Variants in PCDHA7 observed in about 807,000 individuals in gnomAD.
PCDHA7 encodes the protein protocadherin alpha-7.
PCDHA7 carries 37 observed loss-of-function variants against 57.2 expected under a neutral mutation model. The ratio of observed to expected loss-of-function variants is 0.65; its 90% CI spans 0.50 to 0.85. The LOEUF (loss-of-function observed/expected upper bound fraction) is 0.85, where lower values mean the gene tolerates loss of function less well. PCDHA7 is among the 40% of genes least tolerant of loss of function. The pLI, the probability that PCDHA7 is intolerant of heterozygous loss-of-function variation, is 0.00. For synonymous variants in PCDHA7, 553 were observed against 558.8 expected, an observed-to-expected ratio of 0.99 and a Z score of 0.15; for missense variants, 1,188 against 1,241.8, an observed-to-expected ratio of 0.96 and a Z score of 0.65.
intron 1 of PCDHA7, chr5:140,862,344 G>C (rs1303625702): frequency 3.0e-6 from 1 of 333,098 alleles, no homozygotes; most frequent in Non-Finnish European, 5.9e-6. Flanking sequence ...CCTAACTTCA[G>C]TGCCAAGGGA....
chr5:140,964,168 G>A (rs928554352), intron 1 of PCDHA7, among the ~76,000 whole-genome samples: 1 of 152,166 alleles, frequency 6.6e-6, no homozygotes, highest in Non-Finnish European at 1.5e-5. Flanking sequence ...TGTGAGGAAC[G>A]AAATCATTAT....
At chr5:140,856,096 GCTT>G (rs782403061) in intron 1 of PCDHA7, 1 of 1,597,460 alleles carries the variant, frequency 6.3e-7, no homozygotes, top group South Asian at 1.1e-5. Flanking sequence ...TGCTGCTCTC[GCTT>G]CTTCTCCTCG....
In PCDHA7 at chr5:140,834,800, T is replaced by A; in HGVS notation, c.417T>A (p.Asn139Lys). 3 of 1,612,758 alleles carry A rather than the reference T, an allele frequency of 1.9e-6. No homozygotes were observed. Among genetic ancestry groups the A allele is most frequent in the Non-Finnish European group, 2.5e-6 (3 of 1,179,706 alleles). The change falls in exon 1 of 4, where the codon AAT becomes AAA. Residue 139 changes from asparagine (N) to lysine (K), a missense_variant. Around this residue, in one of 3 missense-constraint regions of PCDHA7, gnomAD observed 194 missense variants for 185.8 expected, o/e 1.04. Transcript: ENST00000525929. The stretch of plus-strand genomic sequence containing the variant: ...CGGTGTTCCCAGCGACACAAAGGAA[T>A]CTGTTCATCGCGGAATCCAGGCCGC... The part of the protein sequence containing the change: ...NPPVFPATQR[N>K]LFIAESRPLD...
At chr5:140,911,968 T>A (rs1554195054) in intron 1 of PCDHA7, among the ~76,000 whole-genome samples, 2 of 152,138 alleles carry the variant, frequency 1.3e-5, no homozygotes, top group East Asian at 3.9e-4. Flanking sequence ...TAAGGAGTAT[T>A]AACTCACATG....
At chr5:140,899,781 T>C (rs1187719719) in intron 1 of PCDHA7, among the ~76,000 whole-genome samples, 1 of 152,218 alleles carries the variant, frequency 6.6e-6, no homozygotes, top group Non-Finnish European at 1.5e-5. Context: ...TTACCTCTGG[T>C]ATAATTCGGC....
intron 1 of PCDHA7, among the ~76,000 whole-genome samples, chr5:140,959,626 AAG>A (rs529579902): frequency 6.2e-4 from 95 of 152,334 alleles, no homozygotes; most frequent in African/African-American, 2.0e-3. Context: ...GATAGAAAAA[AAG>A]AGAGAAAAAA....
intron 1 of PCDHA7, chr5:140,883,659 T>A (rs2059734857): frequency 6.2e-7 from 1 of 1,612,766 alleles, no homozygotes. Flanking sequence ...ACGGTGTTCG[T>A]GAAGGAAAAC....
In PCDHA7 at chr5:141,010,365, A is replaced by G; in HGVS notation, c.*428A>G. 6.8e-7 allele frequency: 1 copy of G among 1,480,028 alleles called. No individual in the cohort carries two copies. The highest frequency in any genetic ancestry group is 1.3e-5 in the South Asian group (1 of 75,134). The allele number at this position is 1,480,028 out of a possible 1,614,324, so 91.7% of individuals were successfully genotyped here. On this transcript the variant is annotated 3_prime_UTR_variant, in exon 4 of 4. Coordinates refer to ENST00000525929, the MANE Select transcript of PCDHA7 (RefSeq NM_018910.3). Reference sequence around the variant, plus strand: ...CTGGGTATGTGTGGCTACCGCGGGTATGCGAGTGCCAGATATTGGCTGAGA... The same window carrying G: ...CTGGGTATGTGTGGCTACCGCGGGTGTGCGAGTGCCAGATATTGGCTGAGA...
intron 1 of PCDHA7, chr5:140,966,883 T>A (rs155364): frequency 0.52 from 832,487 of 1,587,228 alleles, 220,297 homozygotes; most frequent in African/African-American, 0.71. Flanking sequence ...TACCTGGCCC[T>A]GCGGCCTCCC....
At chr5:140,999,837 A>G (rs2097878885) in intron 3 of PCDHA7, among the ~76,000 whole-genome samples, 2 of 152,206 alleles carry the variant, frequency 1.3e-5, no homozygotes, top group South Asian at 2.1e-4. Flanking sequence ...AAATATGCCA[A>G]GTGTATTTAT....
intron 1 of PCDHA7, among the ~76,000 whole-genome samples, chr5:140,936,969 A>G (rs1391736933): frequency 2.0e-5 from 3 of 152,202 alleles, no homozygotes; most frequent in African/African-American, 7.2e-5. Context: ...ATCTATAAAA[A>G]TATGAAGCTT....
At chr5:140,893,892 C>A (rs1554185839) in intron 1 of PCDHA7, among the ~76,000 whole-genome samples, 1 of 152,184 alleles carries the variant, frequency 6.6e-6, no homozygotes, top group Non-Finnish European at 1.5e-5. Flanking sequence ...CAGAAAGTTA[C>A]TTTACCTTCT....
At chr5:140,865,992 T>C (rs1475339451) in intron 1 of PCDHA7, 1 of 152,212 alleles carries the variant, frequency 6.6e-6, no homozygotes, top group Non-Finnish European at 1.5e-5. Flanking sequence ...CACTAAGTTT[T>C]TTTATGTTAA....
At chr5:140,900,013 T>A (rs1351991303) in intron 1 of PCDHA7, among the ~76,000 whole-genome samples, 1 of 152,062 alleles carries the variant, frequency 6.6e-6, no homozygotes, top group Admixed American at 6.6e-5. Flanking sequence ...TCTCACTTTG[T>A]TACCCAGTTT....
intron 1 of PCDHA7, chr5:140,842,506 C>T: frequency 6.2e-7 from 1 of 1,613,804 alleles, no homozygotes; most frequent in South Asian, 1.1e-5. Context: ...ATGTCCCCTT[C>T]AAGCTGGTGT....
At chr5:140,916,399 C>G (rs1421171065) in intron 1 of PCDHA7, among the ~76,000 whole-genome samples, 2 of 152,168 alleles carry the variant, frequency 1.3e-5, no homozygotes, top group African/African-American at 4.8e-5. Context: ...TGTGCTGGAT[C>G]ACACCTGAAG....
chr5:140,900,651 A>G (rs1386674800), intron 1 of PCDHA7, among the ~76,000 whole-genome samples: 3 of 152,232 alleles, frequency 2.0e-5, no homozygotes, highest in African/African-American at 7.2e-5. Flanking sequence ...ACACTGCTGC[A>G]ATGAACAATG....
chr5:141,000,345 C>A (rs1395527046), intron 3 of PCDHA7, among the ~76,000 whole-genome samples: 7 of 116,650 alleles, frequency 6.0e-5, no homozygotes, highest in African/African-American at 2.4e-4. Context: ...CCCTATCTCT[C>A]TCTCTGTCTC....
At chr5:140,838,077 AGTGT>A (rs2150283763) in intron 1 of PCDHA7, among the ~76,000 whole-genome samples, 8,027 of 79,764 alleles carry the variant, frequency 0.1, 265 homozygotes, top group South Asian at 0.12. Flanking sequence ...ATATATATAT[AGTGT>A]GTGTGTGTGT....
Sources: gnomAD v4.1 joint callset for allele counts (sites outside exome capture counted in the v4.1 genomes callset) on GRCh38, gnomAD v4.1.1 for gene constraint, gnomAD v4.1.1 regional missense constraint, MANE v1.5 for transcripts, NCBI Gene and HGNC (gene_info 2026-07-23, HGNC 2026-07-21) for gene names.